The following CSTA variants were observed in gnomAD, a reference collection of about 807,000 sequenced individuals.
CSTA encodes cystatin-A.
CSTA carries 9 observed loss-of-function variants against 9.2 expected under a neutral mutation model. The observed-to-expected ratio is 0.97, with a 90% CI of 0.59 to 1.70. The LOEUF is 1.70. Among genes scored for constraint, CSTA ranks in the 40% most tolerant of loss-of-function variants. The pLI is 0.00. For missense variants in CSTA, 118 were observed against 113.1 expected (o/e 1.04, Z -0.20); for synonymous variants, 36 against 40.6 (o/e 0.89, Z 0.43).
intron 1 of CSTA, among the ~76,000 whole-genome samples, chr3:122,333,524 A>AACGAAAGAAAAGAAAG (rs2075215968): frequency 7.1e-6 from 1 of 140,248 alleles, no homozygotes; most frequent in East Asian, 2.3e-4. Flanking sequence ...GAGAGAGAAG[A>AACGAAAGAAAAGAAAG]AAGAAAGAAA....
chr3:122,338,467 T>C (rs1303119961), intron 2 of CSTA, among the ~76,000 whole-genome samples: 1 of 147,656 alleles, frequency 6.8e-6, no homozygotes, highest in Admixed American at 7.0e-5. Context: ...ATATTTCTAT[T>C]AAAATATAAA....
chr3:122,334,474 C>G (rs1244468967), intron 1 of CSTA, among the ~76,000 whole-genome samples: 2 of 151,868 alleles, frequency 1.3e-5, no homozygotes. Context: ...GATTCTGTCT[C>G]TTAAATTTAA....
intron 1 of CSTA, among the ~76,000 whole-genome samples, chr3:122,329,710 G>A (rs1202388189): frequency 6.6e-6 from 1 of 152,196 alleles, no homozygotes; most frequent in East Asian, 1.9e-4. Flanking sequence ...ATGGCCCCTG[G>A]CCTCTAGGAG....
At chr3:122,326,729 G>T (rs2075172454) in intron 1 of CSTA, among the ~76,000 whole-genome samples, 1 of 152,168 alleles carries the variant, frequency 6.6e-6, no homozygotes, top group Non-Finnish European at 1.5e-5. Flanking sequence ...TGAATCCCCA[G>T]ATCAGATCAA....
intron 1 of CSTA, 27 bp from the exon 2 acceptor site, chr3:122,337,520 A>C: frequency 2.0e-6 from 3 of 1,504,450 alleles, no homozygotes; most frequent in Non-Finnish European, 2.8e-6. Context: ...AGCTTTGATT[A>C]TTTGTTTCCT....
rs2107669590 is a variant in CSTA at position 122,341,697 on chromosome 3, T to C, written c.*130T>C. Reference sequence around the variant, plus strand: ...TATTTCTTCAATTATTTCTCATTTATTGTATTAAGCAGAAATTACCTTTTC... The same window carrying C: ...TATTTCTTCAATTATTTCTCATTTACTGTATTAAGCAGAAATTACCTTTTC... On this transcript the variant is annotated 3_prime_UTR_variant, in exon 3 of 3. Coordinates refer to ENST00000264474, the MANE Select transcript of CSTA (RefSeq NM_005213.4). The C allele has an allele frequency of 8.3e-7, 1 of 1,204,258 alleles. No homozygotes were observed. Among genetic ancestry groups the C allele is most frequent in the Non-Finnish European group, 1.2e-6 (1 of 831,362 alleles). 74.6% of individuals were successfully genotyped at this position (1,204,258 alleles called of 1,614,324 possible).
At chr3:122,334,997 T>C (rs952838651) in intron 1 of CSTA, among the ~76,000 whole-genome samples, 1 of 152,160 alleles carries the variant, frequency 6.6e-6, no homozygotes, top group Admixed American at 6.5e-5. Flanking sequence ...TCTCCCTCAC[T>C]GTCCTCCACC....
intron 1 of CSTA, among the ~76,000 whole-genome samples, chr3:122,333,091 C>A (rs2075213346): frequency 6.6e-6 from 1 of 152,194 alleles, no homozygotes; most frequent in South Asian, 2.1e-4. Flanking sequence ...TGACAGGTGC[C>A]AGAACACTTC....
intron 1 of CSTA, among the ~76,000 whole-genome samples, chr3:122,336,632 T>C (rs2075238580): frequency 6.6e-6 from 1 of 152,136 alleles, no homozygotes; most frequent in Non-Finnish European, 1.5e-5. Context: ...GATGCTAAAA[T>C]TCATGTATGA....
rs1553772206 is a variant in CSTA at position 122,333,590 on chromosome 3, A to AGAAG, written c.67-3956_67-3953dup. 2.1e-5 allele frequency among the ~76,000 whole-genome samples: 3 copies of AGAAG among 141,148 alleles called. No homozygotes were observed. The East Asian group carries it at 5.9e-4, about 28-fold the overall frequency. The allele number at this position is 141,148 out of a possible 152,430, so 92.6% of individuals were successfully genotyped here. ...AAGAAAGAAAGAAAGAAAGAAAGAA[A>AGAAG]GAAGAAAGAGAGAGAGAGGAAGGAA... On this transcript the variant is annotated intron_variant, in intron 1 of 2. Transcript: ENST00000264474.
At chr3:122,329,317 T>C (rs565335812) in intron 1 of CSTA, among the ~76,000 whole-genome samples, 134 of 150,658 alleles carry the variant, frequency 8.9e-4, no homozygotes, top group African/African-American at 3.1e-3. Context: ...CTCTCGGCTG[T>C]AATCCCAGCA....
chr3:122,327,859 A>C (rs1344734048), intron 1 of CSTA, among the ~76,000 whole-genome samples: 1 of 152,216 alleles, frequency 6.6e-6, no homozygotes, highest in East Asian at 1.9e-4. Flanking sequence ...AAAAAAATCT[A>C]TCACTCGATT....
chr3:122,327,477 C>T (rs1390712653), intron 1 of CSTA, among the ~76,000 whole-genome samples: 6 of 132,906 alleles, frequency 4.5e-5, no homozygotes, highest in African/African-American at 1.7e-4. Context: ...TGCAGTGAGC[C>T]GAGATTGCAC....
intron 1 of CSTA, among the ~76,000 whole-genome samples, chr3:122,328,112 G>C (rs1042335835): frequency 5.3e-5 from 8 of 152,254 alleles, no homozygotes; most frequent in African/African-American, 1.2e-4. Flanking sequence ...ACCTCCATTC[G>C]AGCTCTGATT....
At chr3:122,325,837 A>T (rs1353459771) in intron 1 of CSTA, among the ~76,000 whole-genome samples, 1 of 152,198 alleles carries the variant, frequency 6.6e-6, no homozygotes, top group Non-Finnish European at 1.5e-5. Context: ...AACTTCATAC[A>T]CTTTTGCCCA....
intron 1 of CSTA, 112 bp downstream of exon 1, chr3:122,325,470 C>T: frequency 9.5e-7 from 1 of 1,049,398 alleles, no homozygotes; most frequent in South Asian, 1.3e-5. Flanking sequence ...ATGTTTGTGG[C>T]TTTGTTCAGG....
intron 1 of CSTA, among the ~76,000 whole-genome samples, chr3:122,328,298 C>T (rs191532026): frequency 3.7e-3 from 556 of 152,002 alleles, no homozygotes; most frequent in African/African-American, 0.013. Context: ...GTCAGGAGTT[C>T]GAGACCAGCC....
chr3:122,341,302 T>C, intron 2 of CSTA, 137 bp from the exon 3 acceptor site: 1 of 846,068 alleles, frequency 1.2e-6, no homozygotes, highest in African/African-American at 1.7e-5. Context: ...AGTCTAAGAA[T>C]GGTGGACTAG....
chr3:122,338,889 C>G (rs1369666633), intron 2 of CSTA, among the ~76,000 whole-genome samples: 3 of 152,176 alleles, frequency 2.0e-5, no homozygotes, highest in Non-Finnish European at 4.4e-5. Flanking sequence ...AAAATTTCTG[C>G]TTGAAAATTT....
Sources: allele counts gnomAD v4.1 joint callset (sites outside exome capture counted in the v4.1 genomes callset), GRCh38; gene constraint gnomAD v4.1.1; transcripts MANE v1.5; gene names NCBI Gene and HGNC (gene_info 2026-07-23, HGNC 2026-07-21).